SCN2A: variants seen among roughly 807,000 people sequenced by gnomAD.
The protein encoded by SCN2A is sodium voltage-gated channel alpha subunit 2.
In SCN2A, 20 loss-of-function variants were observed where a neutral mutation model predicts 188.7. That is an observed-to-expected ratio of 0.11 (90% confidence interval 0.07 to 0.15). The LOEUF (loss-of-function observed/expected upper bound fraction) is 0.15, where lower values mean the gene tolerates loss of function less well. Among genes scored for constraint, SCN2A ranks in the 10% least tolerant of loss-of-function variants. The pLI, the probability that SCN2A is intolerant of heterozygous loss-of-function variation, is 1.00. For missense variants in SCN2A, 1,278 were observed against 2,445.0 expected (o/e 0.52, Z 10.07); for synonymous variants, 804 against 833.1 (o/e 0.97, Z 0.60).
intron 1 of SCN2A, among the ~76,000 whole-genome samples, chr2:165,248,313 A>G (rs1025741150): frequency 6.6e-6 from 1 of 152,086 alleles, no homozygotes; most frequent in Non-Finnish European, 1.5e-5. Flanking sequence ...TCTCCATCCC[A>G]TTACAGTATT....
At chr2:165,251,598 G>A (rs1215352628) in intron 1 of SCN2A, among the ~76,000 whole-genome samples, 1 of 152,052 alleles carries the variant, frequency 6.6e-6, no homozygotes, top group East Asian at 1.9e-4. Context: ...GTGGTTGAAT[G>A]TAAACACCAC....
At chr2:165,318,818 C>T (rs745748186) in intron 11 of SCN2A, among the ~76,000 whole-genome samples, 76 of 152,024 alleles carry the variant, frequency 5.0e-4, no homozygotes, top group Non-Finnish European at 9.1e-4. Context: ...CCTGCAAATC[C>T]CGTAACTGTT....
At position 165,331,442 on chromosome 2, in the gene SCN2A, G is replaced by T; in HGVS notation, c.2262G>T (p.Leu754=). 2.5e-6 allele frequency: 4 copies of T among 1,613,792 alleles called. No homozygotes were observed. Among genetic ancestry groups the T allele is most frequent in the Non-Finnish European group, 3.4e-6 (4 of 1,179,748 alleles). Residue 754 remains leucine, a synonymous_variant, in exon 14 of 27, where the codon CTG becomes CTT. Transcript: ENST00000375437. ...PWLKVKHLVN[L]VVMDPFVDLA... ...TAAAGGTGAAACACCTTGTCAACCT[G>T]GTTGTAATGGACCCATTTGTTGACC...
chr2:165,335,319 A>G (rs1345588558), intron 14 of SCN2A, among the ~76,000 whole-genome samples: 2 of 151,760 alleles, frequency 1.3e-5, no homozygotes, highest in African/African-American at 4.8e-5. Context: ...GAAAAAAAAT[A>G]AAGTTGGAGA....
chr2:165,327,154 G>A, intron 13 of SCN2A, 170 bp downstream of exon 13: 2 of 801,896 alleles, frequency 2.5e-6, no homozygotes, highest in African/African-American at 2.1e-5. Context: ...ATCTTCCACA[G>A]ATTTTTTTTT....
intron 16 of SCN2A, among the ~76,000 whole-genome samples, chr2:165,350,545 T>C (rs1397517471): frequency 7.3e-6 from 1 of 137,230 alleles, no homozygotes; most frequent in Non-Finnish European, 1.5e-5. Context: ...GGATCTCGGC[T>C]CACTGCAAGC....
At chr2:165,272,870 C>T (rs1695165462) in intron 1 of SCN2A, 3 of 151,682 alleles carry the variant, frequency 2.0e-5, no homozygotes, top group Non-Finnish European at 2.9e-5. Context: ...TGTGTTCATG[C>T]CTTTAACCAT....
intron 13 of SCN2A, chr2:165,327,186 G>T: frequency 1.8e-6 from 1 of 570,712 alleles, no homozygotes; most frequent in Non-Finnish European, 3.0e-6. Flanking sequence ...CCTCCAGAAA[G>T]CTGCTGCAAA....
At chr2:165,338,294 C>G (rs1450684392) in intron 14 of SCN2A, among the ~76,000 whole-genome samples, 1 of 147,762 alleles carries the variant, frequency 6.8e-6, no homozygotes, top group Non-Finnish European at 1.5e-5. Flanking sequence ...GAGTCTCGCT[C>G]TCTCGCCCAG....
At chr2:165,244,795 G>A (rs944604647) in intron 1 of SCN2A, among the ~76,000 whole-genome samples, 27 of 152,084 alleles carry the variant, frequency 1.8e-4, no homozygotes, top group African/African-American at 5.3e-4. Context: ...TTAGTTGGGA[G>A]TATAATATGC....
At chr2:165,300,762 C>G (rs765153293) in intron 3 of SCN2A, among the ~76,000 whole-genome samples, 6 of 152,132 alleles carry the variant, frequency 3.9e-5, no homozygotes, top group Non-Finnish European at 8.8e-5. Flanking sequence ...AGGCGAGGTG[C>G]AGTGGGTCAT....
chr2:165,305,408 G>A (rs1697065255), intron 3 of SCN2A, among the ~76,000 whole-genome samples: 1 of 152,172 alleles, frequency 6.6e-6, no homozygotes, highest in Non-Finnish European at 1.5e-5. Flanking sequence ...ATCTGAGAAT[G>A]GTGGGTATAT....
intron 19 of SCN2A, 42 bp from the exon 20 acceptor site, chr2:165,370,084 T>C (rs1700947565): frequency 1.3e-6 from 2 of 1,547,662 alleles, no homozygotes; most frequent in Admixed American, 1.7e-5. Flanking sequence ...AATTAGAGAC[T>C]GTTTCTGATC....
chr2:165,291,348 GTTCGTTCCTTCCTTCCTTCC>G (rs1377221644), intron 1 of SCN2A, among the ~76,000 whole-genome samples: 1,410 of 82,040 alleles, frequency 0.017, 66 homozygotes, highest in East Asian at 0.083. Context: ...CTTGTCTGTC[GTTCGTTCCTTCCTTCCTTCC>G]TTCCTTCCTT....
intron 1 of SCN2A, among the ~76,000 whole-genome samples, chr2:165,241,720 T>C (rs1367766859): frequency 6.6e-6 from 1 of 152,178 alleles, no homozygotes; most frequent in East Asian, 1.9e-4. Flanking sequence ...AGAAAGTGAA[T>C]GGGACAGGAA....
At chr2:165,376,743 T>A (rs913080242) in intron 22 of SCN2A, among the ~76,000 whole-genome samples, 2 of 151,774 alleles carry the variant, frequency 1.3e-5, no homozygotes, top group African/African-American at 4.8e-5. Context: ...TGTGTGTAGA[T>A]AGAGAAAGAG....
rs191575833 is a variant in SCN2A at position 165,318,821 on chromosome 2, T to G, written c.1671+3063T>G. On this transcript the variant is annotated intron_variant, in intron 11 of 26. Transcript: ENST00000375437. ...TATGTCACACATCCTGCAAATCCCG[T>G]AACTGTTATTTCCTCATAGCTAATT... Among the ~76,000 whole-genome samples the G allele has an allele frequency of 3.7e-3, 559 of 152,294 alleles. 2 individuals are homozygous for G. The highest frequency in any genetic ancestry group is 4.4e-3 in the Non-Finnish European group (297 of 68,042).
At chr2:165,359,796 G>A (rs1470480190) in intron 17 of SCN2A, among the ~76,000 whole-genome samples, 2 of 151,786 alleles carry the variant, frequency 1.3e-5, no homozygotes, top group South Asian at 2.1e-4. Context: ...GAACAAAATG[G>A]GCCAAACACG....
intron 1 of SCN2A, chr2:165,273,373 G>A (rs951249004): frequency 1.1e-4 from 17 of 152,118 alleles, no homozygotes; most frequent in African/African-American, 4.1e-4. Context: ...TAAGAAGCCT[G>A]ACTAAATGAT....
Sources: allele counts gnomAD v4.1 joint callset (sites outside exome capture counted in the v4.1 genomes callset), GRCh38; gene constraint gnomAD v4.1.1; transcripts MANE v1.5; gene names NCBI Gene and HGNC (gene_info 2026-07-23, HGNC 2026-07-21).